Variants in CP observed in about 807,000 individuals in gnomAD.
The protein encoded by CP is ceruloplasmin.
Under a neutral mutation model 122.4 loss-of-function variants are expected in CP, and 64 were observed. The observed-to-expected ratio is 0.52, with a 90% CI of 0.43 to 0.64. The LOEUF (loss-of-function observed/expected upper bound fraction) is 0.64, where lower values mean the gene tolerates loss of function less well. Ranked by LOEUF, CP falls within the 30% of genes least tolerant of loss-of-function variation. CP has a pLI of 0.00. For missense variants in CP, 1,167 were observed against 1,284.4 expected (o/e 0.91, Z 1.40); for synonymous variants, 440 against 436.4 (o/e 1.01, Z -0.10).
rs386134156 is a variant in CP at position 149,178,592 on chromosome 3, G to A, written c.2701C>T (p.Arg901Ter). The A allele has an allele frequency of 2.2e-5, 36 of 1,613,090 alleles. No homozygotes were observed. Among genetic ancestry groups the A allele is most frequent in the Non-Finnish European group, 3.0e-5 (35 of 1,179,516 alleles). Reference sequence around the variant, plus strand: ...TTGAATACTTTCAAGTAAGGTCTTCGACAAACAATCAGGGGGCCAATTAAT... The same window carrying A: ...TTGAATACTTTCAAGTAAGGTCTTCAACAAACAATCAGGGGGCCAATTAAT... ...SGLIGPLIVC[R>*]RPYLKVFNPR... is the part of the protein sequence containing the mutation. Residue 901 changes from arginine (R) to a stop codon, truncating the protein, a stop_gained, in exon 16 of 19, where the codon CGA (arginine) becomes TGA (stop). Transcript: ENST00000264613. LOFTEE classifies it high-confidence loss of function.
In CP at chr3:149,207,738, T is replaced by C. The variant is rs1523515; in HGVS notation, c.782-121A>G. Reference sequence around the variant, plus strand: ...ATATCTGGCACACATGCTGGTATTCTTGCCCCCTATACTCATGTCAGACAT... The same window carrying C: ...ATATCTGGCACACATGCTGGTATTCCTGCCCCCTATACTCATGTCAGACAT... On this transcript the variant is annotated intron_variant, in intron 4 of 18. Transcript: ENST00000264613. 0.95 allele frequency: 977,537 copies of C among 1,032,536 alleles called. 463,140 individuals carry two copies. The highest frequency in any genetic ancestry group is 1 in the East Asian group (40,186 of 40,196). The allele number at this position is 1,032,536 out of a possible 1,614,324, so 64.0% of individuals were successfully genotyped here.
In CP at chr3:149,212,441, CT is replaced by C; in HGVS notation, c.394+9del. On this transcript the variant is annotated intron_variant, in intron 2 of 18. Transcript: ENST00000264613. ...TAAGAGGAAATTCCAGCTACATGAG[CT>C]GAACTTACCCTCATGTTCCTTATAG... 3 of 1,613,684 alleles carry C rather than the reference CT, an allele frequency of 1.9e-6. No homozygotes were observed. Among genetic ancestry groups the C allele is most frequent in the Non-Finnish European group, 2.5e-6 (3 of 1,179,826 alleles).
intron 4 of CP, 109 bp from the exon 5 acceptor site, chr3:149,207,726 A>G: frequency 5.1e-6 from 6 of 1,186,442 alleles, no homozygotes; most frequent in Non-Finnish European, 6.2e-6. Flanking sequence ...TCTGGCACAC[A>G]TGCTGGTATT....
chr3:149,182,162 A>C, intron 13 of CP, 29 bp from the exon 14 acceptor site: 2 of 1,613,556 alleles, frequency 1.2e-6, no homozygotes, highest in Non-Finnish European at 8.5e-7. Context: ...AAGAGTGTCC[A>C]ATCAGAAGGT....
At position 149,178,647 on chromosome 3, in the gene CP, A is replaced by T. The variant is rs1725577968; in HGVS notation, c.2662-16T>A. On this transcript the variant is annotated splice_polypyrimidine_tract_variant and intron_variant, in intron 15 of 18. Transcript: ENST00000264613. ...TGTAGAGGTCCTGGAAACAAGAAAA[A>T]TCTTCAGTAACCCTTGTGAATTAGG... 1 of 1,547,130 alleles carries T rather than the reference A, an allele frequency of 6.5e-7. No individual in the cohort carries two copies. Among genetic ancestry groups the T allele is most frequent in the Non-Finnish European group, 8.9e-7 (1 of 1,123,194 alleles).
intron 9 of CP, among the ~76,000 whole-genome samples, chr3:149,188,718 C>G (rs1248165064): frequency 6.6e-6 from 1 of 152,020 alleles, no homozygotes; most frequent in African/African-American, 2.4e-5. Context: ...AACATTATCA[C>G]CTCCTCCCAC....
At position 149,163,924 on chromosome 3, in the gene CP, A is replaced by T. The variant is rs527824858; in HGVS notation, c.*14-1049T>A. On this transcript the variant is annotated intron_variant, in intron 5 of 5. Coordinates refer to the CP transcript ENST00000479771. ...TCTGATTCTTTAGCTGATAAAAATT[A>T]TACAGAAGATCTTTCAAAATTACAG... 1 of 1,544,532 alleles carries T rather than the reference A, an allele frequency of 6.5e-7. No individual in the cohort carries two copies. Among genetic ancestry groups the T allele is most frequent in the Non-Finnish European group, 9.0e-7 (1 of 1,116,574 alleles).
chr3:149,214,150 C>G (rs1362119333), intron 1 of CP, among the ~76,000 whole-genome samples: 1 of 152,086 alleles, frequency 6.6e-6, no homozygotes, highest in African/African-American at 2.4e-5. Context: ...ATCCCAGAAG[C>G]AGTGGGATTC....
At chr3:149,167,968 C>A, downstream of CP, 1 of 1,573,990 alleles carries the variant, frequency 6.4e-7, no homozygotes. Context: ...TCAACTCTAC[C>A]TGTCATCATT....
chr3:149,199,902 T>G (rs1288537741), intron 7 of CP, 38 bp from the exon 8 acceptor site: 1 of 1,601,200 alleles, frequency 6.2e-7, no homozygotes. Context: ...TTCCTTGGTA[T>G]GTAACATGCA....
chr3:149,207,535 C>T lies in CP; in HGVS notation c.864G>A (p.Met288Ile), dbSNP rs779986326. The T allele has an allele frequency of 6.2e-7, 1 of 1,613,982 alleles. No individual in the cohort carries two copies. The highest frequency in any genetic ancestry group is 8.5e-7 in the Non-Finnish European group (1 of 1,179,868). Residue 288 changes from methionine (M) to isoleucine (I), a missense_variant, in exon 5 of 19, where the codon ATG (methionine) becomes ATA (isoleucine). Around this residue, in one of 2 missense-constraint regions of CP, gnomAD observed 642 missense variants for 627.3 expected, o/e 1.02. Coordinates refer to ENST00000264613, the MANE Select transcript of CP (RefSeq NM_000096.4). ...CTGCGTGCACATCAACTTCATTACC[C>T]ATACCAAAAAGGTACCATTTTACTC... The part of the protein sequence containing the change: ...EDRVKWYLFG[M>I]GNEVDVHAAF...
chr3:149,198,283 A>G (rs967370033), intron 9 of CP, 84 bp downstream of exon 9: 21 of 1,080,552 alleles, frequency 1.9e-5, no homozygotes, highest in Admixed American at 9.0e-5. Context: ...TTTGGAGATA[A>G]TGATGAGGTT....
At chr3:149,212,724 A>G (rs1277573449) in intron 1 of CP, 26 bp from the exon 2 acceptor site, 1 of 1,610,650 alleles carries the variant, frequency 6.2e-7, no homozygotes, top group Non-Finnish European at 8.5e-7. Context: ...AGACAACTCT[A>G]TCAGAAGCCA....
chr3:149,162,738 T>C, exon 6 of CP: 1 of 1,614,084 alleles, frequency 6.2e-7, no homozygotes, highest in Non-Finnish European at 8.5e-7. Context: ...CTTGGTAGAC[T>C]TTTGGGAAGC....
chr3:149,200,919 A>G (rs1024028080), intron 7 of CP, among the ~76,000 whole-genome samples: 6 of 152,098 alleles, frequency 3.9e-5, no homozygotes, highest in African/African-American at 1.4e-4. Flanking sequence ...TTCAAAAAGT[A>G]TTATACCTCT....
intron 9 of CP, among the ~76,000 whole-genome samples, chr3:149,192,295 A>G (rs1203262456): frequency 6.6e-6 from 1 of 152,086 alleles, no homozygotes; most frequent in Non-Finnish European, 1.5e-5. Flanking sequence ...ATCAGTGAGT[A>G]AAGAATAGAT....
intron 2 of CP, among the ~76,000 whole-genome samples, chr3:149,211,970 C>T (rs1206894834): frequency 2.6e-5 from 4 of 151,984 alleles, no homozygotes; most frequent in Non-Finnish European, 5.9e-5. Context: ...GAGAAACATG[C>T]CATTATTATA....
At chr3:149,173,815 T>A (rs920065190) in intron 18 of CP, 85 bp from the exon 19 acceptor site, 10 of 664,898 alleles carry the variant, frequency 1.5e-5, no homozygotes, top group African/African-American at 1.5e-4. Context: ...GTATTCCAAT[T>A]TTTAATGTTA....
chr3:149,189,587 A>G (rs1270271446), intron 9 of CP, among the ~76,000 whole-genome samples: 1 of 152,026 alleles, frequency 6.6e-6, no homozygotes, highest in African/African-American at 2.4e-5. Context: ...AAACGAAAAA[A>G]TCAGGTTGAC....
Sources: allele counts gnomAD v4.1 joint callset (sites outside exome capture counted in the v4.1 genomes callset), GRCh38; gene constraint gnomAD v4.1.1; regional missense constraint gnomAD v4.1.1; transcripts MANE v1.5; gene names NCBI Gene and HGNC (gene_info 2026-07-23, HGNC 2026-07-21).